Variants in ERH observed in about 807,000 individuals in gnomAD.
ERH encodes enhancer of rudimentary homolog.
ERH carries 1 observed loss-of-function variant against 16.8 expected under a neutral mutation model. The observed-to-expected ratio is 0.06, with a 90% confidence interval of 0.02 to 0.28. The LOEUF (loss-of-function observed/expected upper bound fraction) is 0.28, where lower values mean the gene tolerates loss of function less well. ERH is among the 10% of genes least tolerant of loss of function. The pLI is 1.00. For missense variants in ERH, 42 were observed against 127.5 expected, an observed-to-expected ratio of 0.33 and a Z score of 3.23; for synonymous variants, 43 against 43.6, an observed-to-expected ratio of 0.99 and a Z score of 0.05.
Position 69,398,281 on chromosome 14 carries a change from A to C in ERH, c.-48T>G, listed in dbSNP as rs752519733. The C allele has an allele frequency of 1.2e-4, 193 of 1,613,530 alleles. No homozygotes were observed. The highest frequency in any genetic ancestry group is 1.6e-4 in the Non-Finnish European group (187 of 1,179,880). The stretch of plus-strand genomic sequence containing the variant: ...AGCAGCTGCCGACACCGCCGCCGTT[A>C]CACGAGCTTAACTACAACGCCGCTA... On this transcript the variant is annotated 5_prime_UTR_variant, in exon 1 of 4. Transcript: ENST00000557016.
intron 2 of ERH, among the ~76,000 whole-genome samples, chr14:69,389,225 C>T (rs913932550): frequency 3.9e-5 from 6 of 152,074 alleles, no homozygotes; most frequent in Non-Finnish European, 7.4e-5. Context: ...CGGGGTTTTG[C>T]GATTTTGGCC....
At chr14:69,393,748 G>A (rs137976155) in intron 2 of ERH, among the ~76,000 whole-genome samples, 2 of 152,270 alleles carry the variant, frequency 1.3e-5, no homozygotes, top group African/African-American at 2.4e-5. Context: ...CTTGGTTGGC[G>A]CGGTGGCTCA....
At chr14:69,387,861 A>G (rs551984316) in intron 2 of ERH, among the ~76,000 whole-genome samples, 5 of 152,166 alleles carry the variant, frequency 3.3e-5, no homozygotes, top group South Asian at 2.1e-4. Flanking sequence ...TGGCCAACAC[A>G]GTGAAACCCT....
At chr14:69,388,699 C>A (rs1187661783) in intron 2 of ERH, among the ~76,000 whole-genome samples, 1 of 152,142 alleles carries the variant, frequency 6.6e-6, no homozygotes, top group Non-Finnish European at 1.5e-5. Flanking sequence ...AAGGAGAATA[C>A]ACCTTTTCAG....
intron 2 of ERH, 58 bp downstream of exon 2, chr14:69,394,767 G>T: frequency 7.4e-7 from 1 of 1,354,954 alleles, no homozygotes; most frequent in Non-Finnish European, 1.0e-6. Flanking sequence ...ATTTGGAGGG[G>T]AAAAACCCAG....
chr14:69,381,959 G>A (rs562304870), intron 3 of ERH, among the ~76,000 whole-genome samples: 2 of 152,292 alleles, frequency 1.3e-5, no homozygotes, highest in South Asian at 2.1e-4. Context: ...CCAAAGTGCT[G>A]GGATTACAGG....
intron 1 of ERH, 52 bp from the exon 2 acceptor site, chr14:69,394,964 G>T: frequency 7.7e-7 from 1 of 1,292,064 alleles, no homozygotes; most frequent in Non-Finnish European, 1.1e-6. Context: ...GAAATTCATA[G>T]TATGATAAAA....
intron 2 of ERH, among the ~76,000 whole-genome samples, chr14:69,391,486 A>C (rs906179000): frequency 6.6e-6 from 1 of 151,670 alleles, no homozygotes; most frequent in Admixed American, 6.6e-5. Flanking sequence ...CTCTACTAAA[A>C]ATACAAAAAA....
rs916972901 is a variant in ERH, at chr14:69,394,728, T to C, written c.91+97A>G. The C allele has an allele frequency of 4.3e-6, 3 of 692,604 alleles. No individual in the cohort carries two copies. The Admixed American group carries it at 8.1e-5, about 19-fold the overall frequency. The allele number at this position is 692,604 out of a possible 1,614,324, so 42.9% of individuals were successfully genotyped here. A position where few individuals can be genotyped will look rare whatever the true frequency, so the allele number is the denominator to read the frequency against. ...GGTTGGAAGTGATAAAGGCAGGGCCTGGGGTGGATGGACTATTAAAAAAAA... is the reference window on the plus strand; with the variant it reads ...GGTTGGAAGTGATAAAGGCAGGGCCCGGGGTGGATGGACTATTAAAAAAAA... On this transcript the variant is annotated intron_variant, in intron 2 of 3. Coordinates refer to ENST00000557016, the MANE Select transcript of ERH (RefSeq NM_004450.3).
chr14:69,390,339 T>C (rs2045917058), intron 2 of ERH, among the ~76,000 whole-genome samples: 1 of 152,076 alleles, frequency 6.6e-6, no homozygotes, highest in Admixed American at 6.5e-5. Context: ...ATCAAGACAA[T>C]ATGGTATTGG....
rs1165737234 is a variant in ERH, at chr14:69,380,437, A to C, written c.*101T>G. On this transcript the variant is annotated 3_prime_UTR_variant, in exon 4 of 4. Coordinates refer to ENST00000557016, the MANE Select transcript of ERH (RefSeq NM_004450.3). ...AGTCAATCTTGGCTAGAGTATAACA[A>C]AGTGGAAACAGGATTACTATGATAC... 1.5e-6 allele frequency: 1 copy of C among 658,144 alleles called. No individual in the cohort carries two copies. The highest frequency in any genetic ancestry group is 2.8e-6 in the Non-Finnish European group (1 of 360,258). The allele number at this position is 658,144 out of a possible 1,614,324, so 40.8% of individuals were successfully genotyped here. A position where few individuals can be genotyped will look rare whatever the true frequency, so the allele number is the denominator to read the frequency against.
chr14:69,393,510 T>C (rs1265901512), intron 2 of ERH, among the ~76,000 whole-genome samples: 2 of 152,214 alleles, frequency 1.3e-5, no homozygotes, highest in African/African-American at 4.8e-5. Flanking sequence ...ACCATGTCTT[T>C]GCAGCAACAT....
intron 1 of ERH, among the ~76,000 whole-genome samples, chr14:69,397,448 A>T (rs560723163): frequency 6.9e-6 from 1 of 145,222 alleles, no homozygotes; most frequent in South Asian, 2.2e-4. Context: ...GGTCTCAAAA[A>T]CAGGAAAAAA....
intron 1 of ERH, among the ~76,000 whole-genome samples, chr14:69,397,001 T>G (rs1247144176): frequency 1.3e-5 from 2 of 152,198 alleles, no homozygotes; most frequent in Non-Finnish European, 2.9e-5. Flanking sequence ...CTATAATAAT[T>G]GTATTCCAAT....
intron 3 of ERH, among the ~76,000 whole-genome samples, chr14:69,385,892 C>T (rs1281006798): frequency 6.6e-6 from 1 of 152,152 alleles, no homozygotes; most frequent in East Asian, 1.9e-4. Context: ...TCATTGCTCC[C>T]TGCTCCTCCA....
chr14:69,388,323 G>A (rs2045904866), intron 2 of ERH, among the ~76,000 whole-genome samples: 3 of 151,988 alleles, frequency 2.0e-5, no homozygotes, highest in Non-Finnish European at 4.4e-5. Context: ...ATTAGCTATA[G>A]AGTATATTAT....
intron 2 of ERH, among the ~76,000 whole-genome samples, chr14:69,391,114 T>A (rs1176395944): frequency 6.6e-6 from 1 of 152,184 alleles, no homozygotes; most frequent in East Asian, 1.9e-4. Context: ...AATCTAGCAA[T>A]CACTCTCCTA....
Position 69,382,720 on chromosome 14 carries a change from T to TC in ERH, c.213-2081dup, listed in dbSNP as rs1036359507. Reference sequence around the variant, plus strand: ...TGGGCGTGGTGGCGCGCACCTGTAGTCCCAGCTACTCGGGAGGCTGAGGCA... The same window carrying TC: ...TGGGCGTGGTGGCGCGCACCTGTAGTCCCCAGCTACTCGGGAGGCTGAGGCA... On this transcript the variant is annotated intron_variant, in intron 3 of 3. Coordinates refer to ENST00000557016, the MANE Select transcript of ERH (RefSeq NM_004450.3). Among the ~76,000 whole-genome samples the TC allele has an allele frequency of 1.5e-4, 22 of 148,692 alleles. 1 individual carries two copies. Among genetic ancestry groups the TC allele is most frequent in the Admixed American group, 6.1e-4 (9 of 14,750 alleles).
At chr14:69,381,265 C>CA (rs2045861928) in intron 3 of ERH, among the ~76,000 whole-genome samples, 1 of 151,550 alleles carries the variant, frequency 6.6e-6, no homozygotes, top group Non-Finnish European at 1.5e-5. Flanking sequence ...GACTCCATCT[C>CA]AAAAAAACAA....
Sources: allele counts gnomAD v4.1 joint callset (sites outside exome capture counted in the v4.1 genomes callset), GRCh38; gene constraint gnomAD v4.1.1; transcripts MANE v1.5; gene names NCBI Gene and HGNC (gene_info 2026-07-23, HGNC 2026-07-21).